The following FHOD3 variants were observed in gnomAD, a reference collection of about 807,000 sequenced individuals.
The protein encoded by FHOD3 is formin homology 2 domain containing 3, also known as FH1/FH2 domain-containing protein 3.
A neutral mutation model predicts 173.0 loss-of-function variants in FHOD3; 90 were observed. That is an observed-to-expected ratio of 0.52 (90% CI 0.44 to 0.62). FHOD3 has a LOEUF of 0.62. Among genes scored for constraint, FHOD3 ranks in the 20% least tolerant of loss-of-function variants. The pLI is 0.00. For missense variants in FHOD3, 1,945 were observed against 2,034.7 expected (o/e 0.96, Z 0.85); for synonymous variants, 828 against 823.0 (o/e 1.01, Z -0.10).
chr18:36,635,622 A>G (rs2034827794), intron 10 of FHOD3, among the ~76,000 whole-genome samples: 1 of 152,204 alleles, frequency 6.6e-6, no homozygotes, highest in South Asian at 2.1e-4. Context: ...ATGGTGACAA[A>G]GACAAAGGGG....
intron 19 of FHOD3, among the ~76,000 whole-genome samples, chr18:36,722,985 G>C (rs1452430941): frequency 6.6e-6 from 1 of 151,906 alleles, no homozygotes; most frequent in Non-Finnish European, 1.5e-5. Flanking sequence ...TCTGAACACA[G>C]CTCTGGGACT....
chr18:36,632,847 CCAAGA>C (rs2034614471), intron 10 of FHOD3, among the ~76,000 whole-genome samples: 1 of 152,034 alleles, frequency 6.6e-6, no homozygotes, highest in Non-Finnish European at 1.5e-5. Context: ...AAAAGACAGA[CCAAGA>C]CAAGTTTTTG....
At chr18:36,702,990 A>G (rs2039675110) in intron 17 of FHOD3, among the ~76,000 whole-genome samples, 1 of 152,216 alleles carries the variant, frequency 6.6e-6, no homozygotes, top group Non-Finnish European at 1.5e-5. Context: ...TCTGCTTAGC[A>G]GTGAGGTCCT....
chr18:36,541,873 ATG>A (rs2057236395), intron 5 of FHOD3, among the ~76,000 whole-genome samples: 2 of 152,316 alleles, frequency 1.3e-5, no homozygotes, highest in Non-Finnish European at 2.9e-5. Context: ...TGAGAAGGTA[ATG>A]CCCTTTCTTC....
intron 9 of FHOD3, among the ~76,000 whole-genome samples, chr18:36,617,557 GCTA>G (rs1335357494): frequency 6.6e-6 from 1 of 151,036 alleles, no homozygotes; most frequent in Non-Finnish European, 1.5e-5. Flanking sequence ...GACAAACAAT[GCTA>G]CTACGAGAGT....
intron 6 of FHOD3, among the ~76,000 whole-genome samples, chr18:36,593,264 G>T (rs960461101): frequency 6.6e-6 from 1 of 152,194 alleles, no homozygotes; most frequent in South Asian, 2.1e-4. Flanking sequence ...TCATATTGGG[G>T]TGATGAGTCA....
chr18:36,381,122 G>T (rs916428776), intron 3 of FHOD3, among the ~76,000 whole-genome samples: 23 of 152,350 alleles, frequency 1.5e-4, no homozygotes, highest in African/African-American at 4.3e-4. Context: ...CTTCTGGTTT[G>T]AGAAGTCTGG....
intron 1 of FHOD3, among the ~76,000 whole-genome samples, chr18:36,338,145 G>A (rs570336634): frequency 6.6e-6 from 1 of 152,212 alleles, no homozygotes; most frequent in Non-Finnish European, 1.5e-5. Context: ...GAACATTAGT[G>A]TTATGTACAG....
At chr18:36,499,375 A>G (rs1380945699) in intron 3 of FHOD3, among the ~76,000 whole-genome samples, 1 of 152,164 alleles carries the variant, frequency 6.6e-6, no homozygotes, top group African/African-American at 2.4e-5. Flanking sequence ...AAGTGCTGGG[A>G]TTACAGGCCT....
In FHOD3 at chr18:36,658,197, G is replaced by C. The variant is rs762840155; in HGVS notation, c.1835+9G>C. 1.3e-6 allele frequency: 2 copies of C among 1,562,742 alleles called. No homozygotes were observed. Among genetic ancestry groups the C allele is most frequent in the East Asian group, 2.4e-5 (1 of 40,962 alleles). On this transcript the variant is annotated intron_variant, in intron 14 of 28. Coordinates refer to ENST00000590592, the MANE Select transcript of FHOD3 (RefSeq NM_001281740.3). ...GAGGCCAGGTTGGAAAGGTGAGTTCGACAAGCACGCTGATAGCTTCACAGT... is the reference window on the plus strand; with the variant it reads ...GAGGCCAGGTTGGAAAGGTGAGTTCCACAAGCACGCTGATAGCTTCACAGT...
intron 3 of FHOD3, among the ~76,000 whole-genome samples, chr18:36,476,700 G>T (rs2053593844): frequency 6.6e-6 from 1 of 152,184 alleles, no homozygotes; most frequent in Non-Finnish European, 1.5e-5. Flanking sequence ...TAGGAATCTG[G>T]AAGCAAATTG....
At chr18:36,672,146 A>G (rs1405731525) in intron 14 of FHOD3, among the ~76,000 whole-genome samples, 1 of 152,214 alleles carries the variant, frequency 6.6e-6, no homozygotes, top group Non-Finnish European at 1.5e-5. Flanking sequence ...TCATATTGTA[A>G]GATAACTTTA....
chr18:36,475,751 TACACACACACACACACACACACACACAC>T (rs58982535), intron 3 of FHOD3, among the ~76,000 whole-genome samples: 3 of 142,968 alleles, frequency 2.1e-5, no homozygotes, highest in African/African-American at 5.1e-5. Context: ...TATAGAAACA[TACACACACACACACACACACACACACAC>T]ACACACACAC....
intron 5 of FHOD3, among the ~76,000 whole-genome samples, chr18:36,515,626 C>T (rs989841407): frequency 4.6e-5 from 7 of 152,218 alleles, no homozygotes; most frequent in African/African-American, 1.2e-4. Context: ...CCGTCAACCA[C>T]CTGCTGCTTC....
At chr18:36,701,737 C>T (rs1330117666) in intron 17 of FHOD3, among the ~76,000 whole-genome samples, 2 of 152,132 alleles carry the variant, frequency 1.3e-5, no homozygotes, top group African/African-American at 4.8e-5. Context: ...GAATGCAATC[C>T]CAGCACTTAA....
At chr18:36,627,571 G>C (rs1462172786) in intron 10 of FHOD3, among the ~76,000 whole-genome samples, 1 of 152,046 alleles carries the variant, frequency 6.6e-6, no homozygotes, top group African/African-American at 2.4e-5. Flanking sequence ...TCACTTTACT[G>C]GAATTATTAC....
chr18:36,339,104 G>C (rs1346095939), intron 1 of FHOD3, among the ~76,000 whole-genome samples: 1 of 152,102 alleles, frequency 6.6e-6, no homozygotes, highest in Non-Finnish European at 1.5e-5. Flanking sequence ...ATCACCTGTG[G>C]GTGGTAGGAA....
intron 3 of FHOD3, among the ~76,000 whole-genome samples, chr18:36,380,445 C>T (rs766727682): frequency 5.3e-5 from 8 of 150,516 alleles, no homozygotes; most frequent in Non-Finnish European, 7.4e-5. Flanking sequence ...TCCTCCCTCC[C>T]TCCCTCCCTC....
In FHOD3 at chr18:36,297,738, A is replaced by AGCTGCG. The variant is rs1228315102; in HGVS notation, c.-89_-84dup. On this transcript the variant is annotated 5_prime_UTR_variant, in exon 1 of 29. Transcript: ENST00000590592. ...GAGCCTGCGAGTCCGCGAGCCAGCG[A>AGCTGCG]GCTGCGGCTGCGGCCTCCCCTGCGC... 6.2e-6 allele frequency: 6 copies of AGCTGCG among 974,050 alleles called. No individual in the cohort carries two copies. Among genetic ancestry groups the AGCTGCG allele is most frequent in the South Asian group, 8.8e-5 (2 of 22,798 alleles). 60.3% of individuals were successfully genotyped at this position (974,050 alleles called of 1,614,324 possible).
Sources: allele counts gnomAD v4.1 joint callset (sites outside exome capture counted in the v4.1 genomes callset), GRCh38; gene constraint gnomAD v4.1.1; transcripts MANE v1.5; gene names NCBI Gene and HGNC (gene_info 2026-07-23, HGNC 2026-07-21).